Variants in C7orf25 observed in about 807,000 individuals in gnomAD.
The protein encoded by C7orf25 is chromosome 7 open reading frame 25, also known as UPF0415 protein C7orf25.
Under a neutral mutation model 25.5 loss-of-function variants are expected in C7orf25, and 14 were observed. The observed-to-expected ratio is 0.55, with a 90% CI of 0.36 to 0.86. The LOEUF is 0.86. Among genes scored for constraint, C7orf25 ranks in the 40% least tolerant of loss-of-function variants. C7orf25 has a pLI of 0.01. For synonymous variants in C7orf25, 184 were observed against 179.9 expected (o/e 1.02, Z -0.18); for missense variants, 405 against 493.9 (o/e 0.82, Z 1.71).
rs1025752777 is a variant in C7orf25 at position 42,911,066 on chromosome 7, A to T, written c.-21-145T>A. 6.8e-6 allele frequency: 9 copies of T among 1,325,448 alleles called. No individual in the cohort carries two copies. In the African/African-American group the frequency reaches 8.7e-5, roughly 13 times the overall value. 82.1% of individuals were successfully genotyped at this position (1,325,448 alleles called of 1,614,324 possible). On this transcript the variant is annotated intron_variant, in intron 1 of 1. Coordinates refer to ENST00000350427, the MANE Select transcript of C7orf25 (RefSeq NM_001099858.2). ...CGGGCTTGTGTATGTCTCATTCTGG[A>T]GTGACTGCTTCCTCTGATAGCTAAG...
Position 42,910,241 on chromosome 7 carries a change from C to A in C7orf25, c.660G>T (p.Leu220Phe). The A allele has an allele frequency of 6.2e-7, 1 of 1,614,194 alleles. No homozygotes were observed. Among genetic ancestry groups the A allele is most frequent in the East Asian group, 2.2e-5 (1 of 44,880 alleles). The change falls in exon 2 of 2, where the codon TTG becomes TTT. Residue 220 changes from leucine to phenylalanine, a missense_variant. Leu to Phe is a conservative substitution (Grantham distance 22). Transcript: ENST00000350427. ...TTTCTCGGTCAACTCTGGTCACCTG[C>A]AAAAGTTCAGGGCCCTCATCATCTG... is the stretch of plus-strand genomic sequence containing the variant. ...SESDDEGPEL[L>F]QVTRVDRENI...
At position 42,911,964 on chromosome 7, in the gene C7orf25, G is replaced by C. The variant is rs1249847770; in HGVS notation, c.-71C>G. The C allele has an allele frequency of 2.7e-6, 4 of 1,495,862 alleles. No homozygotes were observed. Among genetic ancestry groups the C allele is most frequent in the Non-Finnish European group, 2.7e-6 (3 of 1,130,904 alleles). The allele number at this position is 1,495,862 out of a possible 1,614,324, so 92.7% of individuals were successfully genotyped here. On this transcript the variant is annotated 5_prime_UTR_variant, in exon 1 of 2. Coordinates refer to ENST00000350427, the MANE Select transcript of C7orf25 (RefSeq NM_001099858.2). ...GAGCACGCAGGCGCGTGCACGCAGA[G>C]GCCGGGACCCGCCGGGAAATCTCAA...
intron 1 of C7orf25, chr7:42,911,221 G>A (rs531559174): frequency 1.5e-5 from 9 of 589,404 alleles, no homozygotes; most frequent in Non-Finnish European, 2.5e-5. Context: ...GCAAGAGTTG[G>A]GCAATCTGCT....
chr7:42,910,869 A>C lies in C7orf25; in HGVS notation c.32T>G (p.Ile11Ser), dbSNP rs1179859819. MSAHSMLCER[I>S]AIAKELIKRA... ...CTTGATCAGTTCCTTGGCTATGGCG[A>C]TTCGTTCACAGAGCATGGAATGTGC... Residue 11 changes from isoleucine (I) to serine (S), a missense_variant, in exon 2 of 2, where the codon ATC (isoleucine) becomes AGC (serine). By Grantham distance (142) the Ile-to-Ser change is moderately radical (BLOSUM62 -2). Transcript: ENST00000350427. The C allele has an allele frequency of 1.9e-6, 3 of 1,614,072 alleles. No homozygotes were observed. The South Asian group carries it at 3.3e-5, about 18-fold the overall frequency.
Position 42,910,739 on chromosome 7 carries a change from A to G in C7orf25, c.162T>C (p.Ala54=), listed in dbSNP as rs1785871971. 7 of 1,614,180 alleles carry G rather than the reference A, an allele frequency of 4.3e-6. No individual in the cohort carries two copies. Among genetic ancestry groups the G allele is most frequent in the Non-Finnish European group, 5.9e-6 (7 of 1,180,036 alleles). Residue 54 remains alanine (A), a synonymous_variant, in exon 2 of 2, where the codon GCT becomes GCC. Transcript: ENST00000350427. ...GAGACTCTTTAATAGCTACTTTCCC[A>G]GCTTCTACTTTCTGCAAGAATTTTA... is the stretch of plus-strand genomic sequence containing the variant. ...AELKFLQKVE[A]GKVAIKESHL...
intron 1 of C7orf25, 86 bp downstream of exon 1, chr7:42,911,829 C>T (rs1785911698): frequency 7.7e-7 from 1 of 1,300,484 alleles, no homozygotes; most frequent in Non-Finnish European, 9.8e-7. Flanking sequence ...ACCCCCTTCC[C>T]GCCGGGCCGG....
chr7:42,910,295 A>T lies in C7orf25; in HGVS notation c.606T>A (p.Pro202=). Residue 202 remains proline (P), a synonymous_variant, in exon 2 of 2, where the codon CCT becomes CCA. Transcript: ENST00000350427. ...CACTCTCACTTGGTTGAAGCTCTTC[A>T]GGGTGATCTAACAGAGCGTTGACTG... ...IVAVNALLDH[P]EELQPSESES... 6.2e-7 allele frequency: 1 copy of T among 1,614,198 alleles called. No homozygotes were observed. Among genetic ancestry groups the T allele is most frequent in the South Asian group, 1.1e-5 (1 of 91,082 alleles).
intron 1 of C7orf25, chr7:42,911,354 G>A: frequency 8.6e-7 from 1 of 1,164,756 alleles, no homozygotes; most frequent in Non-Finnish European, 1.1e-6. Context: ...ACTGTCCAAA[G>A]CAAGTGTCTG....
In C7orf25 at chr7:42,909,673, G is replaced by A; in HGVS notation, c.1228C>T (p.Pro410Ser). 2.5e-6 allele frequency: 4 copies of A among 1,613,966 alleles called. No individual in the cohort carries two copies. The highest frequency in any genetic ancestry group is 2.2e-5 in the East Asian group (1 of 44,880). The change falls in exon 2 of 2, where the codon CCC (proline) becomes TCC (serine). Residue 410 changes from proline (P) to serine (S), a missense_variant. Pro to Ser is a moderately conservative substitution (Grantham distance 74). Coordinates refer to ENST00000350427, the MANE Select transcript of C7orf25 (RefSeq NM_001099858.2). ...TCAGTTGTGTAGTCTTTTGGTAAGG[G>A]GGTGGCTAGAGCCTCTTTACTCTCA... ...LTESKEALAT[P>S]LPKDYTTDSE...
Position 42,911,986 on chromosome 7 carries a change from T to G in C7orf25, c.-93A>C. 1 of 1,495,296 alleles carries G rather than the reference T, an allele frequency of 6.7e-7. No homozygotes were observed. Among genetic ancestry groups the G allele is most frequent in the Non-Finnish European group, 8.8e-7 (1 of 1,130,518 alleles). 92.6% of individuals were successfully genotyped at this position (1,495,296 alleles called of 1,614,324 possible). Reference sequence around the variant, plus strand: ...AGAGGCCGGGACCCGCCGGGAAATCTCAACCGGGCAGCCCCCACCCCGCTC... The same window carrying G: ...AGAGGCCGGGACCCGCCGGGAAATCGCAACCGGGCAGCCCCCACCCCGCTC... On this transcript the variant is annotated 5_prime_UTR_variant, in exon 1 of 2. Transcript: ENST00000350427.
At chr7:42,911,364 G>T (rs1025702162) in intron 1 of C7orf25, 9 of 1,112,228 alleles carry the variant, frequency 8.1e-6, no homozygotes, top group Non-Finnish European at 1.0e-5. Context: ...GCAAGTGTCT[G>T]TCCTAAACTG....
Position 42,912,016 on chromosome 7 carries a change from G to A in C7orf25, c.-123C>T. 2 of 1,483,284 alleles carry A rather than the reference G, an allele frequency of 1.3e-6. No individual in the cohort carries two copies. Among genetic ancestry groups the A allele is most frequent in the Non-Finnish European group, 1.8e-6 (2 of 1,124,226 alleles). 91.9% of individuals were successfully genotyped at this position (1,483,284 alleles called of 1,614,324 possible). On this transcript the variant is annotated 5_prime_UTR_variant, in exon 1 of 2. Coordinates refer to ENST00000350427, the MANE Select transcript of C7orf25 (RefSeq NM_001099858.2). The stretch of plus-strand genomic sequence containing the variant: ...CGGGCAGCCCCCACCCCGCTCGAAC[G>A]CCGAGGCGGCTCCACCCGCGCGAGC...
At position 42,910,807 on chromosome 7, in the gene C7orf25, T is replaced by C. The variant is rs368085010; in HGVS notation, c.94A>G (p.Ile32Val). Residue 32 changes from isoleucine to valine, a missense_variant, in exon 2 of 2, where the codon ATA (isoleucine) becomes GTA (valine). Ile to Val is a conservative substitution (Grantham distance 29). Coordinates refer to ENST00000350427, the MANE Select transcript of C7orf25 (RefSeq NM_001099858.2). Reference sequence around the variant, plus strand: ...CTGCACAGCTTTGCACCACCTTCTATGCCACCTTTTCTTGATCTAGAAAGT... The same window carrying C: ...CTGCACAGCTTTGCACCACCTTCTACGCCACCTTTTCTTGATCTAGAAAGT... The part of the protein sequence containing the change: ...ESLSRSRKGG[I>V]EGGAKLCSKL... 110 of 1,614,248 alleles carry C rather than the reference T, an allele frequency of 6.8e-5. No individual in the cohort carries two copies. The South Asian group carries it at 7.6e-4, about 11-fold the overall frequency.
chr7:42,910,823 T>C lies in C7orf25; in HGVS notation c.78A>G (p.Arg26=), dbSNP rs759222929. The C allele has an allele frequency of 2.5e-5, 41 of 1,614,126 alleles. No homozygotes were observed. In the South Asian group the frequency reaches 4.3e-4, roughly 17 times the overall value. The change falls in exon 2 of 2, where the codon AGA becomes AGG. Residue 26 remains arginine (R), a synonymous_variant. Coordinates refer to ENST00000350427, the MANE Select transcript of C7orf25 (RefSeq NM_001099858.2). The part of the protein sequence containing the change: ...ELIKRAESLS[R]SRKGGIEGGA... ...CACCTTCTATGCCACCTTTTCTTGA[T>C]CTAGAAAGTGATTCTGCTCTCTTGA...
In C7orf25 at chr7:42,909,445, T is replaced by C. The variant is rs1262124281; in HGVS notation, c.*190A>G. ...GCACTAATGCAGACAGTTTGATAGA[T>C]AAGCTTCTCTCTTGTGCTTTTTCTA... On this transcript the variant is annotated 3_prime_UTR_variant, in exon 2 of 2. Coordinates refer to ENST00000350427, the MANE Select transcript of C7orf25 (RefSeq NM_001099858.2). 4 of 595,990 alleles carry C rather than the reference T, an allele frequency of 6.7e-6. No individual in the cohort carries two copies. The African/African-American group carries it at 7.5e-5, about 11-fold the overall frequency. The allele number at this position is 595,990 out of a possible 1,614,324, so 36.9% of individuals were successfully genotyped here.
At position 42,911,900 on chromosome 7, in the gene C7orf25, T is replaced by C; in HGVS notation, c.-22+15A>G. The C allele has an allele frequency of 2.8e-6, 4 of 1,449,408 alleles. No individual in the cohort carries two copies. The highest frequency in any genetic ancestry group is 1.3e-5 in the South Asian group (1 of 74,770). 89.8% of individuals were successfully genotyped at this position (1,449,408 alleles called of 1,614,324 possible). A position where few individuals can be genotyped will look rare whatever the true frequency, so the allele number is the denominator to read the frequency against. ...CCCGCTCCCAGCCTCCCCGCCTCGC[T>C]CCCCGGCTCCTCACCGGCAGCGCCA... On this transcript the variant is annotated intron_variant, in intron 1 of 1. Coordinates refer to ENST00000350427, the MANE Select transcript of C7orf25 (RefSeq NM_001099858.2).
Position 42,912,058 on chromosome 7 carries a change from C to G in C7orf25, c.-165G>C. The G allele has an allele frequency of 1.4e-6, 2 of 1,437,206 alleles. No individual in the cohort carries two copies. Among genetic ancestry groups the G allele is most frequent in the Non-Finnish European group, 1.8e-6 (2 of 1,103,470 alleles). 89.0% of individuals were successfully genotyped at this position (1,437,206 alleles called of 1,614,324 possible). A position where few individuals can be genotyped will look rare whatever the true frequency, so the allele number is the denominator to read the frequency against. On this transcript the variant is annotated 5_prime_UTR_variant, in exon 1 of 2. Transcript: ENST00000350427. ...CGCGCGAGCCCCGCCGCCTCGGGCA[C>G]CTCCTGCATCACGTGGTTCCGGGCC...
In C7orf25 at chr7:42,910,164, T is replaced by C. The variant is rs1190052161; in HGVS notation, c.737A>G (p.Lys246Arg). 6.2e-7 allele frequency: 1 copy of C among 1,614,168 alleles called. No individual in the cohort carries two copies. The highest frequency in any genetic ancestry group is 8.5e-7 in the Non-Finnish European group (1 of 1,180,040). The change falls in exon 2 of 2, where the codon AAA (lysine) becomes AGA (arginine). Residue 246 changes from lysine to arginine, a missense_variant. Coordinates refer to ENST00000350427, the MANE Select transcript of C7orf25 (RefSeq NM_001099858.2). ...AGTAGTAATGTCCAGATTTACTCTT[T>C]TGCACACATCGACCTTAATTTCTGT... Reference protein sequence around the residue: ...FPTEIKVDVCKRVNLDITTLI... With the variant: ...FPTEIKVDVCRRVNLDITTLI...
Position 42,909,741 on chromosome 7 carries a change from C to T in C7orf25, c.1160G>A (p.Gly387Asp). 1 of 1,614,166 alleles carries T rather than the reference C, an allele frequency of 6.2e-7. No homozygotes were observed. Among genetic ancestry groups the T allele is most frequent in the South Asian group, 1.1e-5 (1 of 91,080 alleles). The part of the protein sequence containing the change: ...SGFVRAANNQ[G>D]VKFSVFIHQP... ...ATGGATAAACACACTAAATTTAACA[C>T]CCTGGTTGTTTGCAGCTCTGACAAA... The change falls in exon 2 of 2, where the codon GGT becomes GAT. Residue 387 changes from glycine (G) to aspartate (D), a missense_variant. Physicochemically the swap from Gly to Asp is moderately conservative, Grantham distance 94. Coordinates refer to ENST00000350427, the MANE Select transcript of C7orf25 (RefSeq NM_001099858.2).
Sources: allele counts gnomAD v4.1 joint callset, GRCh38; gene constraint gnomAD v4.1.1; transcripts MANE v1.5; gene names NCBI Gene and HGNC (gene_info 2026-07-23, HGNC 2026-07-21).